Variants in PSPC1 observed in about 807,000 individuals in gnomAD.
PSPC1 encodes the protein paraspeckle component 1, also known as paraspeckle protein 1.
A neutral mutation model predicts 51.6 loss-of-function variants in PSPC1; 14 were observed. The observed-to-expected ratio is 0.27, with a 90% CI of 0.18 to 0.42. PSPC1 has a LOEUF of 0.42. Ranked by LOEUF, PSPC1 falls within the 10% of genes least tolerant of loss-of-function variation. The probability of loss-of-function intolerance (pLI) is 1.00; values close to 1 mark genes in which losing one functional copy is unlikely to be tolerated. For missense variants in PSPC1, 406 were observed against 701.1 expected, an observed-to-expected ratio of 0.58 and a Z score of 4.75; for synonymous variants, 193 against 231.9, an observed-to-expected ratio of 0.83 and a Z score of 1.53.
chr13:19,745,214 G>A (rs1244541730), intron 4 of PSPC1, among the ~76,000 whole-genome samples: 5 of 152,106 alleles, frequency 3.3e-5, no homozygotes, highest in Non-Finnish European at 7.3e-5. Flanking sequence ...GCTACTCAAG[G>A]AGGATGAGGC....
chr13:19,765,864 ACT>A (rs1888020608), intron 2 of PSPC1, among the ~76,000 whole-genome samples: 1 of 152,142 alleles, frequency 6.6e-6, no homozygotes, highest in African/African-American at 2.4e-5. Context: ...TTCCTAGATA[ACT>A]CATTATTTTC....
At chr13:19,738,190 T>A (rs1173777328) in intron 5 of PSPC1, among the ~76,000 whole-genome samples, 1 of 152,178 alleles carries the variant, frequency 6.6e-6, no homozygotes, top group Non-Finnish European at 1.5e-5. Context: ...TTGTCAATAT[T>A]AAACACCACA....
At chr13:19,679,271 G>A (rs1215245451) in intron 6 of PSPC1, among the ~76,000 whole-genome samples, 1 of 152,184 alleles carries the variant, frequency 6.6e-6, no homozygotes, top group African/African-American at 2.4e-5. Flanking sequence ...GAGGTGGGCA[G>A]ATCACTTTAG....
chr13:19,693,253 T>C (rs1258851670), intron 6 of PSPC1, among the ~76,000 whole-genome samples: 1 of 152,220 alleles, frequency 6.6e-6, no homozygotes, highest in Admixed American at 6.5e-5. Flanking sequence ...CGCTATCATC[T>C]TAGTGAAATC....
chr13:19,748,695 A>G (rs551370811), intron 4 of PSPC1, among the ~76,000 whole-genome samples: 1 of 151,466 alleles, frequency 6.6e-6, no homozygotes, highest in East Asian at 1.9e-4. Context: ...TCTTTAGTAC[A>G]GATGCTTCCA....
chr13:19,758,734 CT>C (rs1342665033), intron 3 of PSPC1, among the ~76,000 whole-genome samples: 5 of 151,740 alleles, frequency 3.3e-5, no homozygotes, highest in African/African-American at 1.2e-4. Context: ...ACTCGGGAGG[CT>C]GAGGAAGGAG....
chr13:19,737,486 TG>T (rs1306879246), intron 5 of PSPC1, among the ~76,000 whole-genome samples: 2 of 152,220 alleles, frequency 1.3e-5, no homozygotes, highest in African/African-American at 4.8e-5. Flanking sequence ...ACAGAAATAA[TG>T]TTATATCCCA....
At position 19,705,877 on chromosome 13, in the gene PSPC1, T is replaced by A. The variant is rs1387396605; in HGVS notation, c.1217-46A>T. 3.4e-6 allele frequency: 5 copies of A among 1,466,082 alleles called. No homozygotes were observed. The East Asian group carries it at 1.1e-4, about 33-fold the overall frequency. The allele number at this position is 1,466,082 out of a possible 1,614,324, so 90.8% of individuals were successfully genotyped here. A position where few individuals can be genotyped will look rare whatever the true frequency, so the allele number is the denominator to read the frequency against. Reference sequence around the variant, plus strand: ...TTAGAGCTGTCCTATCTTAGTTTAGTAAACATTAACAATTTAACAATATTT... The same window carrying A: ...TTAGAGCTGTCCTATCTTAGTTTAGAAAACATTAACAATTTAACAATATTT... On this transcript the variant is annotated intron_variant, in intron 7 of 8. Coordinates refer to ENST00000338910, the MANE Select transcript of PSPC1 (RefSeq NM_001354909.2).
downstream of PSPC1, among the ~76,000 whole-genome samples, chr13:19,700,773 T>TA (rs34726561): frequency 1.8e-4 from 27 of 151,926 alleles, no homozygotes; most frequent in African/African-American, 2.4e-4. Context: ...TTACTTTTTA[T>TA]AAAAAAAAGA....
chr13:19,769,229 G>A (rs1179324131), intron 2 of PSPC1, among the ~76,000 whole-genome samples: 2 of 150,662 alleles, frequency 1.3e-5, no homozygotes, highest in African/African-American at 2.5e-5. Flanking sequence ...ACTGAGGTCT[G>A]GAGTTAGAGA....
chr13:19,763,476 T>A (rs1887775116), intron 2 of PSPC1, among the ~76,000 whole-genome samples: 1 of 152,180 alleles, frequency 6.6e-6, no homozygotes, highest in Admixed American at 6.6e-5. Flanking sequence ...TTAGTTTGGT[T>A]ATAAACTTGA....
Position 19,691,505 on chromosome 13 carries a change from G to A in PSPC1, c.1159-13682C>T, listed in dbSNP as rs556374515. Reference sequence around the variant, plus strand: ...CCACTGCACTCCAGCCTGAGTGACAGAGTGAGACCTTGTCTCGAAAAAAGA... The same window carrying A: ...CCACTGCACTCCAGCCTGAGTGACAAAGTGAGACCTTGTCTCGAAAAAAGA... On this transcript the variant is annotated intron_variant and NMD_transcript_variant, in intron 6 of 7. Coordinates refer to the PSPC1 transcript ENST00000471658. 2.6e-5 allele frequency among the ~76,000 whole-genome samples: 4 copies of A among 152,274 alleles called. No individual in the cohort carries two copies. In the South Asian group the frequency reaches 8.3e-4, roughly 32 times the overall value.
chr13:19,777,389 C>A (rs1313319339), intron 1 of PSPC1, among the ~76,000 whole-genome samples: 1 of 141,966 alleles, frequency 7.0e-6, no homozygotes, highest in Non-Finnish European at 1.5e-5. Context: ...AAGATCACAC[C>A]GCTGCACTCC....
At chr13:19,779,996 C>T (rs1889742009) in intron 1 of PSPC1, among the ~76,000 whole-genome samples, 3 of 141,546 alleles carry the variant, frequency 2.1e-5, no homozygotes, top group African/African-American at 7.9e-5. Flanking sequence ...CCGCCCCGTC[C>T]GGGAGGGAGG....
chr13:19,752,574 A>C (rs1593712731), intron 3 of PSPC1, among the ~76,000 whole-genome samples: 1 of 151,506 alleles, frequency 6.6e-6, no homozygotes, highest in South Asian at 2.1e-4. Context: ...TTTTTTTTTC[A>C]CTTTTTTATT....
At chr13:19,675,277 G>A (rs1459013285) in intron 7 of PSPC1, 9 of 152,170 alleles carry the variant, frequency 5.9e-5, no homozygotes, top group African/African-American at 2.2e-4. Flanking sequence ...CTCCTCTAAT[G>A]GTTCCCAGGC....
chr13:19,780,075 C>T (rs1593798667), intron 1 of PSPC1, among the ~76,000 whole-genome samples: 1 of 126,130 alleles, frequency 7.9e-6, no homozygotes, highest in Non-Finnish European at 1.8e-5. Flanking sequence ...TCTGCCCGGC[C>T]GCCCCTACTG....
chr13:19,698,461 T>G (rs538315448), downstream of PSPC1, among the ~76,000 whole-genome samples: 1 of 151,940 alleles, frequency 6.6e-6, no homozygotes, highest in Admixed American at 6.6e-5. Flanking sequence ...ATTTGTCTTA[T>G]TGACTAAATT....
chr13:19,739,876 A>T (rs1176300924), intron 5 of PSPC1, among the ~76,000 whole-genome samples: 1 of 151,982 alleles, frequency 6.6e-6, no homozygotes, highest in South Asian at 2.1e-4. Flanking sequence ...AAAAAAAAAA[A>T]AAAAACAGTA....
Sources: gnomAD v4.1 joint callset for allele counts (sites outside exome capture counted in the v4.1 genomes callset) on GRCh38, gnomAD v4.1.1 for gene constraint, MANE v1.5 for transcripts, NCBI Gene and HGNC (gene_info 2026-07-23, HGNC 2026-07-21) for gene names.